ZNF652: variants seen among roughly 807,000 people sequenced by gnomAD.
ZNF652 encodes the protein zinc finger protein 652.
ZNF652 carries 16 observed loss-of-function variants against 45.2 expected under a neutral mutation model. The ratio of observed to expected loss-of-function variants is 0.35; its 90% CI spans 0.24 to 0.54. The LOEUF (loss-of-function observed/expected upper bound fraction) is 0.54, where lower values mean the gene tolerates loss of function less well. Ranked by LOEUF, ZNF652 falls within the 20% of genes least tolerant of loss-of-function variation. The pLI, the probability that ZNF652 is intolerant of heterozygous loss-of-function variation, is 0.91. For missense variants in ZNF652, 614 were observed against 765.6 expected, an observed-to-expected ratio of 0.80 and a Z score of 2.34; for synonymous variants, 250 against 260.6, an observed-to-expected ratio of 0.96 and a Z score of 0.39.
intron 1 of ZNF652, among the ~76,000 whole-genome samples, chr17:49,358,549 G>T (rs1345447087): frequency 1.3e-5 from 2 of 151,682 alleles, no homozygotes; most frequent in African/African-American, 2.4e-5. Flanking sequence ...ACATTTTTTT[G>T]GTAAAATTAT....
At chr17:49,360,362 A>G (rs974963744) in intron 1 of ZNF652, among the ~76,000 whole-genome samples, 1 of 152,212 alleles carries the variant, frequency 6.6e-6, no homozygotes, top group African/African-American at 2.4e-5. Context: ...AGTTGACTTT[A>G]GTGGCATACA....
At chr17:49,347,776 C>CT (rs2070222617) in intron 1 of ZNF652, among the ~76,000 whole-genome samples, 1 of 130,018 alleles carries the variant, frequency 7.7e-6, no homozygotes, top group South Asian at 2.7e-4. Flanking sequence ...GACACAGTCA[C>CT]TCTGTCACTG....
intron 5 of ZNF652, among the ~76,000 whole-genome samples, chr17:49,300,786 G>A (rs1464002155): frequency 6.6e-6 from 1 of 152,168 alleles, no homozygotes; most frequent in East Asian, 1.9e-4. Flanking sequence ...GTCTTACTGT[G>A]TACCAGACAC....
At chr17:49,305,644 T>A (rs2069619170) in intron 5 of ZNF652, among the ~76,000 whole-genome samples, 1 of 152,148 alleles carries the variant, frequency 6.6e-6, no homozygotes, top group Non-Finnish European at 1.5e-5. Flanking sequence ...CCTGCTATTA[T>A]CATCATCATC....
At chr17:49,351,338 A>G (rs1259675363) in intron 1 of ZNF652, among the ~76,000 whole-genome samples, 1 of 152,094 alleles carries the variant, frequency 6.6e-6, no homozygotes, top group Non-Finnish European at 1.5e-5. Context: ...TTTTGGATGT[A>G]GCCATTGAAG....
intron 5 of ZNF652, among the ~76,000 whole-genome samples, chr17:49,305,084 T>C (rs917634205): frequency 1.3e-5 from 2 of 152,172 alleles, no homozygotes; most frequent in Admixed American, 6.5e-5. Flanking sequence ...ATTCTCTACC[T>C]TGACAAATAG....
At chr17:49,311,611 G>C (rs368277670) in intron 4 of ZNF652, among the ~76,000 whole-genome samples, 155 bp from the exon 5 acceptor site, 15 of 152,244 alleles carry the variant, frequency 9.9e-5, no homozygotes, top group African/African-American at 3.6e-4. Flanking sequence ...CTGCAGGTGA[G>C]TTACTAATAA....
intron 1 of ZNF652, among the ~76,000 whole-genome samples, chr17:49,355,058 C>A (rs1054011241): frequency 6.6e-6 from 1 of 152,136 alleles, no homozygotes; most frequent in Non-Finnish European, 1.5e-5. Context: ...TGGCTACATA[C>A]AATTACATAC....
intron 2 of ZNF652, among the ~76,000 whole-genome samples, chr17:49,315,107 T>C (rs1464204168): frequency 1.4e-5 from 2 of 147,824 alleles, no homozygotes; most frequent in African/African-American, 5.0e-5. Context: ...AATGGCACAA[T>C]CTCGGCTCAC....
Position 49,312,834 on chromosome 17 carries a change from A to G in ZNF652, c.912T>C (p.Cys304=). ...ACCAGAGTTTCTTGAACGATTTGTT[A>G]CAGGAAACACACTGAGCAGGATAAA... is the stretch of plus-strand genomic sequence containing the variant. ...DCEKNIQCVS[C]NKSFKKLWSL... The change falls in exon 3 of 6, where the codon TGT becomes TGC. Residue 304 remains cysteine (C), a synonymous_variant. Coordinates refer to ENST00000430262, the MANE Select transcript of ZNF652 (RefSeq NM_001145365.3). 1 of 1,613,926 alleles carries G rather than the reference A, an allele frequency of 6.2e-7. No individual in the cohort carries two copies.
In ZNF652 at chr17:49,307,173, G is replaced by A. The variant is rs1027997933; in HGVS notation, c.1309+4139C>T. Among the ~76,000 whole-genome samples, 14 of 151,974 alleles carry A rather than the reference G, an allele frequency of 9.2e-5. 1 individual carries two copies. The highest frequency in any genetic ancestry group is 3.4e-4 in the African/African-American group (14 of 41,410). ...GGCCGGGCTCAGGGGTGGGGCTCAT[G>A]TCTGTAATCCCAGCAGTTTGGGAGG... On this transcript the variant is annotated intron_variant, in intron 5 of 5. Transcript: ENST00000430262.
intron 1 of ZNF652, among the ~76,000 whole-genome samples, chr17:49,329,108 CCAGAATGTT>C (rs1375667184): frequency 2.0e-5 from 3 of 152,170 alleles, no homozygotes; most frequent in Non-Finnish European, 4.4e-5. Flanking sequence ...TTCAGAATGT[CCAGAATGTT>C]AGGTTAATTC....
At chr17:49,361,673 G>A (rs1360530622) in intron 1 of ZNF652, among the ~76,000 whole-genome samples, 2 of 152,172 alleles carry the variant, frequency 1.3e-5, no homozygotes, top group South Asian at 2.1e-4. Context: ...AGGAGGAAGG[G>A]GGCGAAAGAG....
At chr17:49,333,545 TAAAAAAAAA>T (rs1182199037) in intron 1 of ZNF652, among the ~76,000 whole-genome samples, 3 of 48,114 alleles carry the variant, frequency 6.2e-5, no homozygotes, top group Non-Finnish European at 1.1e-4. Flanking sequence ...CTGTCTCTAC[TAAAAAAAAA>T]AAAAAAAAAA....
chr17:49,307,174 T>C (rs953802284), intron 5 of ZNF652, among the ~76,000 whole-genome samples: 1 of 151,764 alleles, frequency 6.6e-6, no homozygotes, highest in Admixed American at 6.6e-5. Context: ...GGGGCTCATG[T>C]CTGTAATCCC....
intron 5 of ZNF652, among the ~76,000 whole-genome samples, chr17:49,303,247 C>CTTTTTTTTTTTTTTTTTTTTT (rs779042339): frequency 3.3e-5 from 4 of 121,784 alleles, no homozygotes; most frequent in Non-Finnish European, 3.2e-5. Flanking sequence ...TTACGCTTAT[C>CTTTTTTTTTTTTTTTTTTTTT]TTTTTTTTTT....
intron 1 of ZNF652, among the ~76,000 whole-genome samples, chr17:49,337,372 A>G (rs1191544730): frequency 6.6e-6 from 1 of 151,836 alleles, no homozygotes; most frequent in Non-Finnish European, 1.5e-5. Context: ...GAAAAATTAA[A>G]GGCAAAAATG....
chr17:49,348,489 G>GAA (rs1555552468), intron 1 of ZNF652, among the ~76,000 whole-genome samples: 2 of 38,872 alleles, frequency 5.1e-5, no homozygotes, highest in African/African-American at 1.8e-4. Flanking sequence ...AAAAAGAAAA[G>GAA]AAAAGAAAAG....
chr17:49,311,207 T>C (rs2069706867), intron 5 of ZNF652, 105 bp downstream of exon 5: 3 of 1,269,402 alleles, frequency 2.4e-6, no homozygotes, highest in Non-Finnish European at 3.3e-6. Context: ...GGATTTTTGC[T>C]TTGAATGCAA....
Sources: allele counts gnomAD v4.1 joint callset (sites outside exome capture counted in the v4.1 genomes callset), GRCh38; gene constraint gnomAD v4.1.1; transcripts MANE v1.5; gene names NCBI Gene and HGNC (gene_info 2026-07-23, HGNC 2026-07-21).